The following CAMTA1 variants were observed in gnomAD, a reference collection of about 807,000 sequenced individuals.
The protein encoded by CAMTA1 is calmodulin-binding transcription activator 1.
In CAMTA1, 27 loss-of-function variants were observed where a neutral mutation model predicts 170.9. That is an observed-to-expected ratio of 0.16 (90% CI 0.12 to 0.22). The LOEUF is 0.22. Among genes scored for constraint, CAMTA1 ranks in the 10% least tolerant of loss-of-function variants. The pLI is 1.00. For synonymous variants in CAMTA1, 833 were observed against 891.5 expected, an observed-to-expected ratio of 0.93 and a Z score of 1.17; for missense variants, 1,619 against 2,217.2, an observed-to-expected ratio of 0.73 and a Z score of 5.42.
intron 6 of CAMTA1, among the ~76,000 whole-genome samples, chr1:7,535,516 C>G (rs2094539193): frequency 6.6e-6 from 1 of 152,206 alleles, no homozygotes; most frequent in South Asian, 2.1e-4. Flanking sequence ...CAGTCACCCG[C>G]TAGAGATGGG....
In CAMTA1 at chr1:7,030,455, T is replaced by C. The variant is rs116671468; in HGVS notation, c.235-60849T>C. Among the ~76,000 whole-genome samples, 794 of 152,332 alleles carry C rather than the reference T, an allele frequency of 5.2e-3. 7 individuals carry two copies. Among genetic ancestry groups the C allele is most frequent in the African/African-American group, 0.018 (748 of 41,570 alleles). ...CAGTACCAAAGTCCTCAGAAAAGTC[T>C]TTACATTTTGCAAGTTGTCAAGTTC... On this transcript the variant is annotated intron_variant, in intron 3 of 22. Transcript: ENST00000303635.
chr1:6,937,284 C>T (rs1202543402), intron 3 of CAMTA1, among the ~76,000 whole-genome samples: 4 of 150,842 alleles, frequency 2.7e-5, no homozygotes, highest in Non-Finnish European at 5.9e-5. Flanking sequence ...TCACCATCAC[C>T]ATCCCCATTC....
At chr1:7,072,025 A>G (rs1208923798) in intron 3 of CAMTA1, among the ~76,000 whole-genome samples, 1 of 152,162 alleles carries the variant, frequency 6.6e-6, no homozygotes, top group East Asian at 1.9e-4. Flanking sequence ...TCTTGGAATC[A>G]AGGGCAAATG....
chr1:7,515,906 C>T (rs1575746846), intron 6 of CAMTA1, among the ~76,000 whole-genome samples: 1 of 152,222 alleles, frequency 6.6e-6, no homozygotes, highest in African/African-American at 2.4e-5. Context: ...TGAGTGGGAA[C>T]AGCCGATGCA....
chr1:7,668,666 G>A (rs970380448), intron 9 of CAMTA1, among the ~76,000 whole-genome samples: 10 of 152,160 alleles, frequency 6.6e-5, no homozygotes, highest in South Asian at 4.2e-4. Flanking sequence ...GCAGCCAGGC[G>A]GGCTGTTGCC....
chr1:7,432,025 C>G (rs896662272), intron 5 of CAMTA1, among the ~76,000 whole-genome samples: 2 of 152,208 alleles, frequency 1.3e-5, no homozygotes, highest in African/African-American at 4.8e-5. Context: ...CAACCCTGGT[C>G]CCCAAGAAGC....
chr1:7,326,883 A>T (rs146352445), intron 5 of CAMTA1, among the ~76,000 whole-genome samples: 420 of 152,278 alleles, frequency 2.8e-3, no homozygotes, highest in Middle Eastern at 6.8e-3. Context: ...GGGACATAGG[A>T]GGTCCAGGAA....
intron 3 of CAMTA1, among the ~76,000 whole-genome samples, chr1:6,908,133 A>G (rs1255542662): frequency 1.3e-5 from 2 of 152,004 alleles, no homozygotes; most frequent in Admixed American, 1.3e-4. Flanking sequence ...TTTGCTCGTC[A>G]CCCTTTATGA....
At position 7,144,401 on chromosome 1, in the gene CAMTA1, T is replaced by C. The variant is rs556625182; in HGVS notation, c.302+53030T>C. Among the ~76,000 whole-genome samples the C allele has an allele frequency of 1.3e-4, 20 of 152,260 alleles. No homozygotes were observed. The highest frequency in any genetic ancestry group is 4.6e-4 in the African/African-American group (19 of 41,534). On this transcript the variant is annotated intron_variant, in intron 4 of 22. Coordinates refer to ENST00000303635, the MANE Select transcript of CAMTA1 (RefSeq NM_015215.4). This position sits in a 1 kb window ranked among gnomAD's most constrained non-coding sequence, Gnocchi z 4.0. ...CCTATCTGACCTCATTTAACCTTAA[T>C]TACATCTCCAAATCCCTATCTCCAC...
chr1:7,588,451 A>T lies in CAMTA1; in HGVS notation c.511-51949A>T, dbSNP rs908879812. ...ACACTACACTAACGCCTCTGCAAGC[A>T]TCGTTTTATCAAAACCCTCACCATT... is the stretch of plus-strand genomic sequence containing the variant. On this transcript the variant is annotated intron_variant, in intron 6 of 22. Transcript: ENST00000303635. This position sits in a 1 kb window ranked among gnomAD's most constrained non-coding sequence, Gnocchi z 5.8. Among the ~76,000 whole-genome samples, 5 of 152,194 alleles carry T rather than the reference A, an allele frequency of 3.3e-5. No homozygotes were observed. The highest frequency in any genetic ancestry group is 7.3e-5 in the Non-Finnish European group (5 of 68,028).
At chr1:7,350,558 G>A (rs570355687) in intron 5 of CAMTA1, among the ~76,000 whole-genome samples, 1 of 152,332 alleles carries the variant, frequency 6.6e-6, no homozygotes, top group African/African-American at 2.4e-5. Flanking sequence ...CTCCTGTGAG[G>A]AGCCACTTGT....
Position 7,407,763 on chromosome 1 carries a change from G to T in CAMTA1, c.439-60067G>T, listed in dbSNP as rs145729211. 3.3e-5 allele frequency among the ~76,000 whole-genome samples: 5 copies of T among 152,216 alleles called. No individual in the cohort carries two copies. In the East Asian group the frequency reaches 9.7e-4, roughly 30 times the overall value. ...AGGTGCTGCTTGGTTTTAGAAGGGA[G>T]CCTGATGCCCAGGCCAAGGTCCAGG... On this transcript the variant is annotated intron_variant, in intron 5 of 22. Transcript: ENST00000303635.
intron 3 of CAMTA1, among the ~76,000 whole-genome samples, chr1:6,975,994 G>A (rs1053024494): frequency 1.3e-5 from 2 of 152,074 alleles, no homozygotes; most frequent in Non-Finnish European, 1.5e-5. Flanking sequence ...CTTCCTTTCC[G>A]CTGCTGAGTG....
intron 3 of CAMTA1, among the ~76,000 whole-genome samples, chr1:6,856,416 G>C (rs1662424318): frequency 6.7e-6 from 1 of 149,738 alleles, no homozygotes; most frequent in African/African-American, 2.5e-5. Context: ...TTTGTTACGA[G>C]ATACATAACA....
intron 11 of CAMTA1, among the ~76,000 whole-genome samples, chr1:7,729,677 T>C (rs1464937129): frequency 1.3e-5 from 2 of 152,244 alleles, no homozygotes; most frequent in African/African-American, 4.8e-5. Context: ...GCCAGACAGA[T>C]GGGTTATCTC....
intron 5 of CAMTA1, among the ~76,000 whole-genome samples, chr1:7,276,215 C>T (rs1670566586): frequency 7.7e-6 from 1 of 130,414 alleles, no homozygotes; most frequent in African/African-American, 3.2e-5. Context: ...TTTCAGCAAA[C>T]TAGATATAGG....
chr1:7,508,105 T>C (rs1035450686), intron 6 of CAMTA1, among the ~76,000 whole-genome samples: 9 of 152,132 alleles, frequency 5.9e-5, no homozygotes, highest in Non-Finnish European at 8.8e-5. Context: ...CCTGAGAAGG[T>C]AGGAAGTGGT....
chr1:7,626,225 A>T (rs1174584132), intron 6 of CAMTA1, among the ~76,000 whole-genome samples: 2 of 152,154 alleles, frequency 1.3e-5, no homozygotes, highest in Non-Finnish European at 2.9e-5. Flanking sequence ...GAGCATAAAA[A>T]TCCTGTAGAT....
At chr1:7,157,947 C>T (rs770091425) in intron 4 of CAMTA1, among the ~76,000 whole-genome samples, 26 of 152,160 alleles carry the variant, frequency 1.7e-4, no homozygotes, top group South Asian at 4.1e-4. Flanking sequence ...ATCACGAGGT[C>T]AGGAGATCGA....
Sources: gnomAD v4.1 joint callset for allele counts (sites outside exome capture counted in the v4.1 genomes callset) on GRCh38, gnomAD v4.1.1 for gene constraint, Gnocchi (gnomAD v3.1) non-coding constraint, MANE v1.5 for transcripts, NCBI Gene and HGNC (gene_info 2026-07-23, HGNC 2026-07-21) for gene names.